The following ARB2A variants were observed in gnomAD, a reference collection of about 807,000 sequenced individuals.
ARB2A encodes the protein ARB2 cotranscriptional regulator A.
chr5:93,875,193 T>C, the ARB2A span, among the ~76,000 whole-genome samples: 1 of 152,044 alleles, frequency 6.6e-6, no homozygotes, highest in East Asian at 1.9e-4. Context: ...GGTCACACTA[T>C]ATTAAATGGA....
At chr5:93,868,040 C>G in the ARB2A span, among the ~76,000 whole-genome samples, 1 of 152,204 alleles carries the variant, frequency 6.6e-6, no homozygotes, top group Non-Finnish European at 1.5e-5. Flanking sequence ...AACTGAGATG[C>G]TGGGCATGGT....
At chr5:93,765,518 A>T in the ARB2A span, among the ~76,000 whole-genome samples, 1 of 152,232 alleles carries the variant, frequency 6.6e-6, no homozygotes, top group Non-Finnish European at 1.5e-5. Flanking sequence ...AAGGAGAACT[A>T]CAAACCACTG....
At chr5:93,681,829 G>A in the ARB2A span, among the ~76,000 whole-genome samples, 1 of 152,170 alleles carries the variant, frequency 6.6e-6, no homozygotes, top group African/African-American at 2.4e-5. Flanking sequence ...GAAGAAAAGA[G>A]AGGAATCTAA....
At chr5:93,862,465 C>T in the ARB2A span, 1 of 152,158 alleles carries the variant, frequency 6.6e-6, no homozygotes, top group Non-Finnish European at 1.5e-5. Context: ...GCCCTGAAAA[C>T]ATAGATGCAT....
the ARB2A span, chr5:93,805,890 C>A: frequency 4.1e-6 from 4 of 985,104 alleles, no homozygotes; most frequent in Non-Finnish European, 4.8e-6. Flanking sequence ...CACTTCCCAG[C>A]ATCTGAATTA....
chr5:93,764,577 C>A, the ARB2A span, among the ~76,000 whole-genome samples: 2 of 152,088 alleles, frequency 1.3e-5, no homozygotes, highest in African/African-American at 4.8e-5. Flanking sequence ...AAAAAAAGTC[C>A]AGGACCAGAC....
At chr5:94,078,467 G>A in the ARB2A span, among the ~76,000 whole-genome samples, 103 of 152,176 alleles carry the variant, frequency 6.8e-4, no homozygotes, top group Non-Finnish European at 1.3e-3. Context: ...AGTAATGCTG[G>A]ACAGCATTAT....
At chr5:93,972,478 AAGAG>A in the ARB2A span, among the ~76,000 whole-genome samples, 10 of 152,048 alleles carry the variant, frequency 6.6e-5, no homozygotes, top group South Asian at 4.2e-4. Flanking sequence ...AAAAAAAAAA[AAGAG>A]AGAGAGAAGT....
the ARB2A span, chr5:93,964,353 T>C: frequency 1.4e-4 from 110 of 765,552 alleles, no homozygotes; most frequent in Non-Finnish European, 2.2e-4. Context: ...CATTTAAACT[T>C]ATCACAGTCA....
the ARB2A span, among the ~76,000 whole-genome samples, chr5:93,810,704 G>A: frequency 6.6e-6 from 1 of 151,996 alleles, no homozygotes; most frequent in Non-Finnish European, 1.5e-5. Flanking sequence ...CACTGTACCT[G>A]GCATAAATAA....
At chr5:93,631,038 G>A in the ARB2A span, among the ~76,000 whole-genome samples, 40 of 152,020 alleles carry the variant, frequency 2.6e-4, no homozygotes, top group Admixed American at 6.5e-4. Flanking sequence ...GACTACAGGC[G>A]TGCACCTGGC....
chr5:93,805,781 T>C, the ARB2A span: 1 of 985,058 alleles, frequency 1.0e-6, no homozygotes, highest in Admixed American at 6.2e-5. Flanking sequence ...TTTGGGGTTG[T>C]CGTTCAGTCC....
the ARB2A span, among the ~76,000 whole-genome samples, chr5:93,909,978 A>T: frequency 6.6e-6 from 1 of 150,950 alleles, no homozygotes; most frequent in Non-Finnish European, 1.5e-5. Context: ...TAACTATAGG[A>T]ATTATAAAAA....
At chr5:94,001,568 CAG>C in the ARB2A span, among the ~76,000 whole-genome samples, 6 of 152,042 alleles carry the variant, frequency 3.9e-5, no homozygotes, top group Non-Finnish European at 8.8e-5. Flanking sequence ...TCCACAAGCT[CAG>C]AGATTCTTTC....
the ARB2A span, among the ~76,000 whole-genome samples, chr5:94,090,899 G>C: frequency 2.0e-5 from 3 of 152,064 alleles, no homozygotes; most frequent in Non-Finnish European, 2.9e-5. Flanking sequence ...AAATTGCCTA[G>C]TAATTTTCCA....
At chr5:93,731,329 A>C in the ARB2A span, among the ~76,000 whole-genome samples, 1 of 152,192 alleles carries the variant, frequency 6.6e-6, no homozygotes, top group Admixed American at 6.6e-5. Context: ...CATATACAGA[A>C]GGAAGACAAT....
the ARB2A span, among the ~76,000 whole-genome samples, chr5:93,668,928 A>G: frequency 2.6e-5 from 4 of 152,200 alleles, no homozygotes; most frequent in African/African-American, 7.2e-5. Flanking sequence ...GCCATGGGGA[A>G]AACTGGATTG....
chr5:94,018,753 A>T, the ARB2A span, among the ~76,000 whole-genome samples: 2 of 151,958 alleles, frequency 1.3e-5, no homozygotes, highest in Non-Finnish European at 2.9e-5. Context: ...ATTCAGTGCT[A>T]TCCCCATTTT....
chr5:94,020,240 GGC>G, the ARB2A span, among the ~76,000 whole-genome samples: 1,265 of 150,730 alleles, frequency 8.4e-3, 25 homozygotes, highest in African/African-American at 0.029. Context: ...ATGGACACGG[GGC>G]GGGGGGGGTA....
Sources: allele counts gnomAD v4.1 joint callset (sites outside exome capture counted in the v4.1 genomes callset), GRCh38; gene constraint gnomAD v4.1.1; transcripts MANE v1.5; gene names NCBI Gene and HGNC (gene_info 2026-07-23, HGNC 2026-07-21).